The following ZHX2 variants were observed in gnomAD, a reference collection of about 807,000 sequenced individuals.
ZHX2 encodes zinc fingers and homeoboxes 2, also known as zinc fingers and homeoboxes protein 2.
Under a neutral mutation model 21.9 loss-of-function variants are expected in ZHX2, and 6 were observed. That is an observed-to-expected ratio of 0.27 (90% confidence interval 0.15 to 0.54). ZHX2 has a LOEUF of 0.54. ZHX2 is among the 20% of genes least tolerant of loss of function. The probability of loss-of-function intolerance (pLI) is 0.95; values close to 1 mark genes in which losing one functional copy is unlikely to be tolerated. For missense variants in ZHX2, 908 were observed against 1,090.7 expected (o/e 0.83, Z 2.36); for synonymous variants, 434 against 437.1 (o/e 0.99, Z 0.09).
chr8:122,806,120 C>G (rs998050075), intron 1 of ZHX2, among the ~76,000 whole-genome samples: 1 of 152,192 alleles, frequency 6.6e-6, no homozygotes, highest in Non-Finnish European at 1.5e-5. Flanking sequence ...TGCCTTTTTA[C>G]TTACCTGCAA....
At chr8:122,879,330 C>T (rs1563765355) in intron 2 of ZHX2, among the ~76,000 whole-genome samples, 1 of 152,102 alleles carries the variant, frequency 6.6e-6, no homozygotes, top group African/African-American at 2.4e-5. Flanking sequence ...CCTCAGCCTC[C>T]CGAGTAGCTA....
intron 2 of ZHX2, among the ~76,000 whole-genome samples, chr8:122,867,227 G>A (rs1053081049): frequency 4.6e-5 from 7 of 152,182 alleles, no homozygotes; most frequent in African/African-American, 1.7e-4. Context: ...ACAAGGAGTA[G>A]TCAAACCTCA....
chr8:122,895,232 C>T lies in ZHX2; in HGVS notation c.-220+31693C>T, dbSNP rs543554622. 2.6e-5 allele frequency among the ~76,000 whole-genome samples: 4 copies of T among 152,268 alleles called. No homozygotes were observed. The East Asian group carries it at 5.8e-4, about 22-fold the overall frequency. The stretch of plus-strand genomic sequence containing the variant: ...AGAAAATTGAAGAGCCAATAGTAAT[C>T]ACATCATAGGGGAGGTGTGAGCATT... On this transcript the variant is annotated intron_variant, in intron 2 of 3. Transcript: ENST00000314393.
intron 1 of ZHX2, among the ~76,000 whole-genome samples, chr8:122,822,367 C>A (rs531693568): frequency 6.6e-6 from 1 of 152,224 alleles, no homozygotes; most frequent in South Asian, 2.1e-4. Context: ...ATTTTATCAA[C>A]CCCCTTCCTT....
At chr8:122,923,866 T>C (rs184692892) in intron 2 of ZHX2, among the ~76,000 whole-genome samples, 7 of 152,318 alleles carry the variant, frequency 4.6e-5, no homozygotes, top group Non-Finnish European at 7.4e-5. Context: ...CAGATTCCTG[T>C]CGATAACCAC....
chr8:122,890,601 T>C (rs187014615), intron 2 of ZHX2, among the ~76,000 whole-genome samples: 74 of 152,306 alleles, frequency 4.9e-4, no homozygotes, highest in African/African-American at 1.6e-3. Context: ...ATGAAATCTC[T>C]TTCCTTTGTT....
rs181151109 is a variant in ZHX2, at chr8:122,953,353, G to T, written c.1843G>T (p.Asp615Tyr). The T allele has an allele frequency of 1.9e-6, 3 of 1,613,906 alleles. No individual in the cohort carries two copies. Among genetic ancestry groups the T allele is most frequent in the Non-Finnish European group, 2.5e-6 (3 of 1,180,042 alleles). The change falls in exon 3 of 4, where the codon GAC becomes TAC. Residue 615 changes from aspartate (D) to tyrosine (Y), a missense_variant. Physicochemically the swap from Asp to Tyr is radical, Grantham distance 160. Coordinates refer to ENST00000314393, the MANE Select transcript of ZHX2 (RefSeq NM_014943.5). The surrounding 1 kb of genome is among the most constrained non-coding windows in gnomAD (Gnocchi z 4.6). The stretch of plus-strand genomic sequence containing the variant: ...CCCCAATGGTGCTCTGTCTCGACTC[G>T]ACCAGCTCTCCGGTGCCCAGTTAAC... ...GAPNGALSRL[D>Y]QLSGAQLTSS...
chr8:122,836,774 A>G (rs556389304), intron 1 of ZHX2, among the ~76,000 whole-genome samples: 3 of 152,302 alleles, frequency 2.0e-5, no homozygotes, highest in African/African-American at 7.2e-5. Flanking sequence ...GCTGGCCCAC[A>G]CTGCTGGCGC....
intron 2 of ZHX2, among the ~76,000 whole-genome samples, chr8:122,879,275 T>C (rs973038215): frequency 5.9e-5 from 9 of 152,108 alleles, no homozygotes; most frequent in Admixed American, 2.6e-4. Context: ...GGCACGATCT[T>C]GGCTCACTGC....
chr8:122,833,437 T>C (rs560596277), intron 1 of ZHX2, among the ~76,000 whole-genome samples: 73 of 152,238 alleles, frequency 4.8e-4, no homozygotes, highest in African/African-American at 1.7e-3. Context: ...GTGGGCTCTT[T>C]AACAGTAATG....
At chr8:122,931,948 G>T (rs1283964812) in intron 2 of ZHX2, among the ~76,000 whole-genome samples, 2 of 152,192 alleles carry the variant, frequency 1.3e-5, no homozygotes, top group African/African-American at 4.8e-5. Flanking sequence ...CCGTAGACCT[G>T]ATTTGGAGGT....
intron 3 of ZHX2, among the ~76,000 whole-genome samples, chr8:122,971,643 G>C (rs1215305136): frequency 7.9e-6 from 1 of 126,502 alleles, no homozygotes; most frequent in African/African-American, 2.9e-5. Context: ...TTCCTTCTCA[G>C]GGCTTTCTCA....
chr8:122,811,310 G>A (rs919797277), intron 1 of ZHX2, among the ~76,000 whole-genome samples: 3 of 152,192 alleles, frequency 2.0e-5, no homozygotes, highest in Admixed American at 6.5e-5. Flanking sequence ...GAGCCCAGGA[G>A]GTCGAGGCTG....
rs1563602547 is a variant in ZHX2, at chr8:122,952,663, TCAA to T, written c.1158_1160del (p.Thr387del). The T allele has an allele frequency of 6.2e-7, 1 of 1,613,742 alleles. No individual in the cohort carries two copies. Among genetic ancestry groups the T allele is most frequent in the Non-Finnish European group, 8.5e-7 (1 of 1,179,970 alleles). On this transcript the variant is annotated inframe_deletion, in exon 3 of 4. Transcript: ENST00000314393. This position sits in a 1 kb window ranked among gnomAD's most constrained non-coding sequence, Gnocchi z 6.9. ...GGTGCTGACTCAGGTGACCAGCGGG[TCAA>T]CAACCGTCTCTTGCTCCCCCATCAC...
At chr8:122,793,651 C>G (rs185731011) in intron 1 of ZHX2, among the ~76,000 whole-genome samples, 9 of 152,290 alleles carry the variant, frequency 5.9e-5, no homozygotes, top group Admixed American at 2.6e-4. Context: ...TTTGGGAAAT[C>G]AATTTTGAGA....
intron 1 of ZHX2, among the ~76,000 whole-genome samples, chr8:122,790,838 C>T (rs958028956): frequency 2.0e-5 from 3 of 152,148 alleles, no homozygotes; most frequent in African/African-American, 7.2e-5. Flanking sequence ...GAGCTCCTGA[C>T]CTCAAGCGAT....
upstream of ZHX2, chr8:122,780,935 G>A (rs1586567241): frequency 2.0e-5 from 3 of 152,362 alleles, no homozygotes; most frequent in East Asian, 5.8e-4. Context: ...CAGACCTGGC[G>A]CGGGCGGAAA....
intron 1 of ZHX2, among the ~76,000 whole-genome samples, chr8:122,803,067 T>A (rs895179281): frequency 1.3e-5 from 2 of 151,672 alleles, no homozygotes; most frequent in South Asian, 4.2e-4. Context: ...TGGCGTGGTC[T>A]GAGTGGTCAA....
chr8:122,881,669 A>T (rs1819716478), intron 2 of ZHX2, among the ~76,000 whole-genome samples: 1 of 152,232 alleles, frequency 6.6e-6, no homozygotes, highest in South Asian at 2.1e-4. Context: ...CATGATGACA[A>T]CATTTACGGG....
Sources: gnomAD v4.1 joint callset for allele counts (sites outside exome capture counted in the v4.1 genomes callset) on GRCh38, gnomAD v4.1.1 for gene constraint, Gnocchi (gnomAD v3.1) non-coding constraint, MANE v1.5 for transcripts, NCBI Gene and HGNC (gene_info 2026-07-23, HGNC 2026-07-21) for gene names.